CRIM1: variants seen among roughly 807,000 people sequenced by gnomAD.
The protein encoded by CRIM1 is cysteine rich transmembrane BMP regulator 1, also known as cysteine-rich motor neuron 1 protein.
In CRIM1, 32 loss-of-function variants were observed where a neutral mutation model predicts 116.4. That is an observed-to-expected ratio of 0.27 (90% CI 0.21 to 0.37). CRIM1 has a LOEUF of 0.37. CRIM1 is among the 10% of genes least tolerant of loss of function. The pLI is 1.00. For missense variants in CRIM1, 1,331 were observed against 1,354.8 expected, an observed-to-expected ratio of 0.98 and a Z score of 0.28; for synonymous variants, 590 against 509.2, an observed-to-expected ratio of 1.16 and a Z score of -2.13.
intron 16 of CRIM1, among the ~76,000 whole-genome samples, chr2:36,547,703 C>G (rs940400543): frequency 6.6e-6 from 1 of 151,996 alleles, no homozygotes; most frequent in South Asian, 2.1e-4. Flanking sequence ...TAATAGTAGA[C>G]AAGGTAGGGA....
Position 36,549,322 on chromosome 2 carries a change from T to G in CRIM1, c.*621T>G, listed in dbSNP as rs979651201. 1 of 152,680 alleles carries G rather than the reference T, an allele frequency of 6.5e-6. No individual in the cohort carries two copies. Among genetic ancestry groups the G allele is most frequent in the African/African-American group, 2.4e-5 (1 of 41,472 alleles). 9.5% of individuals were successfully genotyped at this position (152,680 alleles called of 1,614,324 possible). ...CAGTGAGGAAGCCAGAGAAATGCGA[T>G]AGCGGCATTTCTCTAAAGCGGGTTA... On this transcript the variant is annotated 3_prime_UTR_variant, in exon 17 of 17. Coordinates refer to ENST00000280527, the MANE Select transcript of CRIM1 (RefSeq NM_016441.3).
intron 5 of CRIM1, among the ~76,000 whole-genome samples, chr2:36,470,109 A>G (rs1490557650): frequency 2.0e-5 from 3 of 152,236 alleles, no homozygotes; most frequent in Non-Finnish European, 4.4e-5. Flanking sequence ...TCATCAGTAT[A>G]ATTAATAAAG....
intron 4 of CRIM1, 149 bp downstream of exon 4, chr2:36,442,884 T>C (rs936455364): frequency 5.6e-6 from 5 of 900,216 alleles, no homozygotes; most frequent in Non-Finnish European, 5.2e-6. Flanking sequence ...CATTACTTGG[T>C]ATTTATATGT....
intron 2 of CRIM1, among the ~76,000 whole-genome samples, chr2:36,424,814 G>A (rs992892891): frequency 4.6e-5 from 7 of 152,054 alleles, no homozygotes; most frequent in African/African-American, 1.7e-4. Context: ...ACACTGATTT[G>A]ATCTTTACAA....
intron 5 of CRIM1, among the ~76,000 whole-genome samples, chr2:36,468,311 G>C (rs1460470627): frequency 6.6e-6 from 1 of 152,174 alleles, no homozygotes; most frequent in Non-Finnish European, 1.5e-5. Flanking sequence ...GAAAACTCGT[G>C]AGTTTTGAAA....
intron 4 of CRIM1, among the ~76,000 whole-genome samples, chr2:36,458,765 ACGGG>A (rs1677345290): frequency 2.0e-5 from 3 of 152,106 alleles, no homozygotes; most frequent in African/African-American, 7.2e-5. Flanking sequence ...TGCAGCAGTG[ACGGG>A]AATGGGAATG....
chr2:36,410,129 G>A (rs1318528139), intron 2 of CRIM1, among the ~76,000 whole-genome samples: 3 of 152,164 alleles, frequency 2.0e-5, no homozygotes, highest in Non-Finnish European at 4.4e-5. Context: ...AAAAGGGAAG[G>A]AATTAACATG....
At chr2:36,450,167 T>C (rs1357782068) in intron 4 of CRIM1, among the ~76,000 whole-genome samples, 1 of 152,228 alleles carries the variant, frequency 6.6e-6, no homozygotes, top group Non-Finnish European at 1.5e-5. Flanking sequence ...AGAATGTCGA[T>C]ATCTCTGCCT....
chr2:36,536,703 A>G (rs976102116), intron 13 of CRIM1, among the ~76,000 whole-genome samples: 1 of 152,200 alleles, frequency 6.6e-6, no homozygotes, highest in East Asian at 1.9e-4. Context: ...TGAGTGTGAC[A>G]AGGGACCATG....
At position 36,421,944 on chromosome 2, in the gene CRIM1, T is replaced by A. The variant is rs151207127; in HGVS notation, c.506-19314T>A. ...GGAAACAGCCAAAAGGCATATGGAG[T>A]CATACCTGATTAATAAAATAGGTAA... is the stretch of plus-strand genomic sequence containing the variant. On this transcript the variant is annotated intron_variant, in intron 2 of 16. Transcript: ENST00000280527. 4.1e-4 allele frequency among the ~76,000 whole-genome samples: 63 copies of A among 152,182 alleles called. 1 individual carries two copies. The highest frequency in any genetic ancestry group is 3.1e-3 in the Admixed American group (48 of 15,264).
At chr2:36,447,237 T>A (rs1031802182) in intron 4 of CRIM1, among the ~76,000 whole-genome samples, 4 of 152,216 alleles carry the variant, frequency 2.6e-5, no homozygotes, top group Non-Finnish European at 4.4e-5. Flanking sequence ...CCAGGTTTTT[T>A]AATTTTTTTT....
chr2:36,388,184 G>A (rs971924694), intron 1 of CRIM1, among the ~76,000 whole-genome samples: 2 of 152,080 alleles, frequency 1.3e-5, no homozygotes, highest in African/African-American at 4.8e-5. Flanking sequence ...TTCAGCAGTT[G>A]TCAGTTCATA....
chr2:36,405,822 A>C (rs940710710), intron 2 of CRIM1, among the ~76,000 whole-genome samples: 16 of 152,208 alleles, frequency 1.1e-4, no homozygotes, highest in Non-Finnish European at 8.8e-5. Flanking sequence ...TTATGCAATT[A>C]AAAAATTTTT....
At chr2:36,457,531 G>C (rs368199650) in intron 4 of CRIM1, among the ~76,000 whole-genome samples, 123 of 152,262 alleles carry the variant, frequency 8.1e-4, no homozygotes, top group African/African-American at 2.5e-3. Flanking sequence ...GTGTTAGGGG[G>C]TGTAAATGCC....
intron 1 of CRIM1, among the ~76,000 whole-genome samples, chr2:36,371,336 C>T (rs1408608510): frequency 1.3e-5 from 2 of 152,146 alleles, no homozygotes; most frequent in African/African-American, 4.8e-5. Flanking sequence ...TTAGAGTTCA[C>T]ATTTCTGTCT....
At chr2:36,380,135 C>A (rs1670631134) in intron 1 of CRIM1, among the ~76,000 whole-genome samples, 1 of 152,188 alleles carries the variant, frequency 6.6e-6, no homozygotes, top group South Asian at 2.1e-4. Context: ...GTTTCCTTCC[C>A]TGCAAGAGTC....
intron 1 of CRIM1, among the ~76,000 whole-genome samples, chr2:36,372,378 T>C (rs1670002394): frequency 6.6e-6 from 1 of 152,162 alleles, no homozygotes; most frequent in Admixed American, 6.5e-5. Context: ...TGTGGAATTG[T>C]TTTTTCTGTA....
At chr2:36,436,784 C>T (rs1675347827) in intron 2 of CRIM1, among the ~76,000 whole-genome samples, 1 of 152,198 alleles carries the variant, frequency 6.6e-6, no homozygotes, top group Non-Finnish European at 1.5e-5. Flanking sequence ...GTACAGCCTA[C>T]ATTCCATTCT....
At chr2:36,465,450 A>G (rs1677932697) in intron 5 of CRIM1, among the ~76,000 whole-genome samples, 2 of 152,234 alleles carry the variant, frequency 1.3e-5, no homozygotes, top group Admixed American at 6.5e-5. Flanking sequence ...ACACAGGAAG[A>G]TGGAGATGGA....
Sources: allele counts gnomAD v4.1 joint callset (sites outside exome capture counted in the v4.1 genomes callset), GRCh38; gene constraint gnomAD v4.1.1; transcripts MANE v1.5; gene names NCBI Gene and HGNC (gene_info 2026-07-23, HGNC 2026-07-21).